Variants in PFKFB2 observed in about 807,000 individuals in gnomAD.
PFKFB2 encodes the protein 6-phosphofructo-2-kinase/fructose-2,6-bisphosphatase 2.
A neutral mutation model predicts 68.0 loss-of-function variants in PFKFB2; 53 were observed. That is an observed-to-expected ratio of 0.78 (90% CI 0.63 to 0.98). The LOEUF (loss-of-function observed/expected upper bound fraction) is 0.98, where lower values mean the gene tolerates loss of function less well. Among genes scored for constraint, PFKFB2 ranks in the 50% least tolerant of loss-of-function variants. PFKFB2 has a pLI of 0.00. For synonymous variants in PFKFB2, 222 were observed against 227.6 expected, an observed-to-expected ratio of 0.98 and a Z score of 0.22; for missense variants, 451 against 642.0, an observed-to-expected ratio of 0.70 and a Z score of 3.22.
At chr1:207,045,758 T>C (rs557132198) in intron 2 of PFKFB2, 1 of 152,068 alleles carries the variant, frequency 6.6e-6, no homozygotes, top group Non-Finnish European at 1.5e-5. Flanking sequence ...AAGTTAGGCA[T>C]GGGCATTTAG....
At chr1:207,051,050 T>G, upstream of PFKFB2, 1 of 1,485,106 alleles carries the variant, frequency 6.7e-7, no homozygotes, top group South Asian at 1.3e-5. Context: ...TTGCGGGTGG[T>G]TGCAGTTATC....
upstream of PFKFB2, chr1:207,049,586 G>C: frequency 6.2e-7 from 1 of 1,614,200 alleles, no homozygotes; most frequent in Non-Finnish European, 8.5e-7. Flanking sequence ...CTAGTAAAGA[G>C]GCAAGAGTTG....
Position 207,074,734 on chromosome 1 carries a change from G to A in PFKFB2, c.*2363G>A. Reference sequence around the variant, plus strand: ...AAAGCTAAACAGAAGTAGAAGAAAAGGTCCTTGTCCAGAGGAAGGTTATTT... The same window carrying A: ...AAAGCTAAACAGAAGTAGAAGAAAAAGTCCTTGTCCAGAGGAAGGTTATTT... On this transcript the variant is annotated 3_prime_UTR_variant, in exon 15 of 15. Coordinates refer to ENST00000367080, the MANE Select transcript of PFKFB2 (RefSeq NM_006212.2). The A allele has an allele frequency of 1.0e-6, 1 of 985,406 alleles. No homozygotes were observed. Among genetic ancestry groups the A allele is most frequent in the Non-Finnish European group, 1.2e-6 (1 of 829,924 alleles). 61.0% of individuals were successfully genotyped at this position (985,406 alleles called of 1,614,324 possible).
At chr1:207,048,587 T>C (rs924067692), upstream of PFKFB2, 1 of 160,620 alleles carries the variant, frequency 6.2e-6, no homozygotes, top group African/African-American at 2.4e-5. Context: ...TGATGCTTTC[T>C]TCTACAAGTT....
At chr1:207,054,061 G>A (rs1682841747) in intron 1 of PFKFB2, among the ~76,000 whole-genome samples, 1 of 151,584 alleles carries the variant, frequency 6.6e-6, no homozygotes, top group Non-Finnish European at 1.5e-5. Context: ...GCACCACCAG[G>A]CCCGGCTAAT....
rs1486600392 is a variant in PFKFB2, at chr1:207,073,150, C to T, written c.*779C>T. The T allele has an allele frequency of 1.0e-6, 1 of 985,404 alleles. No individual in the cohort carries two copies. Among genetic ancestry groups the T allele is most frequent in the Non-Finnish European group, 1.2e-6 (1 of 830,010 alleles). The allele number at this position is 985,404 out of a possible 1,614,324, so 61.0% of individuals were successfully genotyped here. A position where few individuals can be genotyped will look rare whatever the true frequency, so the allele number is the denominator to read the frequency against. ...CCTTTCATGAGAAACAGTTCTAAGT[C>T]TTCGATGCCCTGGGAGAATCTGGCT... On this transcript the variant is annotated 3_prime_UTR_variant, in exon 15 of 15. Coordinates refer to ENST00000367080, the MANE Select transcript of PFKFB2 (RefSeq NM_006212.2).
chr1:207,077,645 T>C lies in PFKFB2; in HGVS notation c.*5274T>C. The C allele has an allele frequency of 2.0e-6, 2 of 985,786 alleles. No individual in the cohort carries two copies. The highest frequency in any genetic ancestry group is 2.4e-6 in the Non-Finnish European group (2 of 829,862). The allele number at this position is 985,786 out of a possible 1,614,324, so 61.1% of individuals were successfully genotyped here. On this transcript the variant is annotated 3_prime_UTR_variant, in exon 15 of 15. Transcript: ENST00000367080. The stretch of plus-strand genomic sequence containing the variant: ...CTACTGTAGATTTCCTAGGCACTGC[T>C]CTGTTGAAATAGGAACATAAGTCTT...
chr1:207,072,581 C>T lies in PFKFB2; in HGVS notation c.*210C>T. ...TCTTCAGTTTGAAACATCTTTTCAC[C>T]CAGGGGCAAGTTAGCAAATTGAGTC... On this transcript the variant is annotated 3_prime_UTR_variant, in exon 15 of 15. Transcript: ENST00000367080. 4 of 1,338,136 alleles carry T rather than the reference C, an allele frequency of 3.0e-6. No individual in the cohort carries two copies. The highest frequency in any genetic ancestry group is 3.5e-5 in the Admixed American group (1 of 28,726). The allele number at this position is 1,338,136 out of a possible 1,614,324, so 82.9% of individuals were successfully genotyped here. A position where few individuals can be genotyped will look rare whatever the true frequency, so the allele number is the denominator to read the frequency against.
intron 1 of PFKFB2, among the ~76,000 whole-genome samples, chr1:207,039,757 G>T (rs1413254155): frequency 1.3e-5 from 2 of 152,182 alleles, no homozygotes; most frequent in Non-Finnish European, 1.5e-5. Flanking sequence ...AAACTCTCCT[G>T]CTGTTTGCAG....
chr1:207,049,965 A>T (rs1682697014), upstream of PFKFB2, among the ~76,000 whole-genome samples: 2 of 152,240 alleles, frequency 1.3e-5, no homozygotes, highest in Non-Finnish European at 2.9e-5. Context: ...GGTCTGGAGT[A>T]AACAACTTCA....
upstream of PFKFB2, chr1:207,051,114 T>A (rs1414250464): frequency 2.8e-6 from 4 of 1,427,278 alleles, no homozygotes; most frequent in Non-Finnish European, 3.7e-6. Context: ...CGAACTCTTT[T>A]AAAGTGACAA....
intron 2 of PFKFB2, chr1:207,043,779 T>A (rs1558052015): frequency 2.6e-5 from 4 of 152,656 alleles, no homozygotes. Context: ...AAGCTTTTGA[T>A]AATATGTATA....
chr1:207,076,514 T>C lies in PFKFB2; in HGVS notation c.*4143T>C, dbSNP rs1458181820. The C allele has an allele frequency of 1.0e-6, 1 of 980,268 alleles. No individual in the cohort carries two copies. The highest frequency in any genetic ancestry group is 1.8e-5 in the African/African-American group (1 of 56,110). The allele number at this position is 980,268 out of a possible 1,614,324, so 60.7% of individuals were successfully genotyped here. A position where few individuals can be genotyped will look rare whatever the true frequency, so the allele number is the denominator to read the frequency against. On this transcript the variant is annotated 3_prime_UTR_variant, in exon 15 of 15. Transcript: ENST00000367080. ...TAACAACTGAGTCGGGTTGCAGCAC[T>C]GGTGGGGTAGAATCGACTTTCCCTG...
intron 2 of PFKFB2, among the ~76,000 whole-genome samples, chr1:207,042,549 CAAAAAAAAAAAAAAA>C (rs57077682): frequency 1.8e-3 from 82 of 44,722 alleles, no homozygotes; most frequent in Admixed American, 7.3e-3. Context: ...CTCTGTCTCA[CAAAAAAAAAAAAAAA>C]AAAAAAAAAA....
At chr1:207,036,879 C>A (rs1229722542) in intron 1 of PFKFB2, among the ~76,000 whole-genome samples, 1 of 152,230 alleles carries the variant, frequency 6.6e-6, no homozygotes. Context: ...ACACATCCAA[C>A]TGCTTGTTAA....
chr1:207,077,893 C>A (rs952674755), downstream of PFKFB2: 18 of 677,692 alleles, frequency 2.7e-5, no homozygotes, highest in Non-Finnish European at 3.6e-6. Flanking sequence ...AAAACTTTGC[C>A]TCATGCTGCA....
At chr1:207,035,770 C>T (rs1682365857) in intron 1 of PFKFB2, among the ~76,000 whole-genome samples, 1 of 152,122 alleles carries the variant, frequency 6.6e-6, no homozygotes, top group Non-Finnish European at 1.5e-5. Flanking sequence ...TGGTAAGAGT[C>T]TCAGGAAGCT....
chr1:207,077,902 C>A, downstream of PFKFB2: 1 of 561,924 alleles, frequency 1.8e-6, no homozygotes, highest in Non-Finnish European at 2.3e-6. Context: ...CCTCATGCTG[C>A]ACAAGGATTC....
intron 7 of PFKFB2, among the ~76,000 whole-genome samples, chr1:207,064,127 A>G (rs774946483): frequency 6.6e-6 from 1 of 152,128 alleles, no homozygotes; most frequent in Non-Finnish European, 1.5e-5. Flanking sequence ...TGCTCTAGGT[A>G]TTATCTGGAT....
Sources: allele counts gnomAD v4.1 joint callset (sites outside exome capture counted in the v4.1 genomes callset), GRCh38; gene constraint gnomAD v4.1.1; transcripts MANE v1.5; gene names NCBI Gene and HGNC (gene_info 2026-07-23, HGNC 2026-07-21).